Variants in TMPRSS15 observed in about 807,000 individuals in gnomAD.
TMPRSS15 encodes enteropeptidase.
Under a neutral mutation model 125.3 loss-of-function variants are expected in TMPRSS15, and 128 were observed. That is an observed-to-expected ratio of 1.02 (90% CI 0.89 to 1.18). The LOEUF (loss-of-function observed/expected upper bound fraction) is 1.18, where lower values mean the gene tolerates loss of function less well. Among genes scored for constraint, TMPRSS15 ranks in the 50% most tolerant of loss-of-function variants. TMPRSS15 has a pLI of 0.00. For synonymous variants in TMPRSS15, 446 were observed against 423.2 expected, an observed-to-expected ratio of 1.05 and a Z score of -0.66; for missense variants, 1,283 against 1,212.7, an observed-to-expected ratio of 1.06 and a Z score of -0.86.
rs78416596 is a variant in TMPRSS15, at chr21:18,445,133, C to A, written c.10+40666G>T. The stretch of plus-strand genomic sequence containing the variant: ...AATGACCAAATTTCATTTTATTTGG[C>A]TGGCTAGTACTCCATTGTATATATA... On this transcript the variant is annotated intron_variant, in intron 1 of 7. Coordinates refer to the TMPRSS15 transcript ENST00000422787. Among the ~76,000 whole-genome samples, 983 of 151,908 alleles carry A rather than the reference C, an allele frequency of 6.5e-3. 6 individuals are homozygous for A. Among genetic ancestry groups the A allele is most frequent in the Middle Eastern group, 0.014 (4 of 292 alleles).
rs201716744 is a variant in TMPRSS15, at chr21:18,441,359, C to A, written c.11-43030G>T. ...TGGTGGCTCACACCTGTAATCCCAG[C>A]ACTTTGGGAGGCCGAGGCAGGCAGA... On this transcript the variant is annotated intron_variant, in intron 1 of 7. Coordinates refer to the TMPRSS15 transcript ENST00000422787. Among the ~76,000 whole-genome samples, 12 of 152,040 alleles carry A rather than the reference C, an allele frequency of 7.9e-5. No homozygotes were observed. In the East Asian group the frequency reaches 1.9e-3, roughly 25 times the overall value.
chr21:18,390,255 C>T (rs1303581844), intron 3 of TMPRSS15, among the ~76,000 whole-genome samples: 3 of 152,062 alleles, frequency 2.0e-5, no homozygotes, highest in Non-Finnish European at 4.4e-5. Context: ...TAAGAATTCT[C>T]AAGTTAGTTT....
In TMPRSS15 at chr21:18,270,105, A is replaced by T; in HGVS notation, c.2924T>A (p.Leu975Ter). ...DSCQGDSGGP[L>*]MCQENNRWFL... ...CCACCTGTTGTTTTCTTGGCACATT[A>T]ATGGTCCTCCTGAATCCCCCTAAAG... The change falls in exon 25 of 25, where the codon TTA (leucine) becomes TAA (stop). Residue 975 changes from leucine (L) to a stop codon, truncating the protein, a stop_gained. Coordinates refer to ENST00000284885, the MANE Select transcript of TMPRSS15 (RefSeq NM_002772.3). LOFTEE classifies it high-confidence loss of function. The T allele has an allele frequency of 6.2e-7, 1 of 1,614,030 alleles. No homozygotes were observed. The highest frequency in any genetic ancestry group is 1.1e-5 in the South Asian group (1 of 91,086).
intron 16 of TMPRSS15, among the ~76,000 whole-genome samples, chr21:18,322,580 A>G (rs1018787802): frequency 2.0e-5 from 3 of 152,306 alleles, no homozygotes; most frequent in South Asian, 2.1e-4. Context: ...TTGCAACAAC[A>G]TGGAGGAAAC....
chr21:18,335,757 G>T (rs1280445116), intron 13 of TMPRSS15, among the ~76,000 whole-genome samples: 2 of 152,130 alleles, frequency 1.3e-5, no homozygotes, highest in African/African-American at 2.4e-5. Context: ...TTATTTTAAT[G>T]GTGATGTTGT....
chr21:18,291,483 A>G (rs1239025236), intron 21 of TMPRSS15, among the ~76,000 whole-genome samples: 3 of 152,170 alleles, frequency 2.0e-5, no homozygotes, highest in Non-Finnish European at 4.4e-5. Context: ...AAACCATTTA[A>G]CCACCTGCAG....
chr21:18,447,916 G>A (rs1324855419), intron 1 of TMPRSS15, among the ~76,000 whole-genome samples: 2 of 152,064 alleles, frequency 1.3e-5, no homozygotes, highest in African/African-American at 4.8e-5. Context: ...ACCACAATGA[G>A]ATATCACTTC....
chr21:18,279,266 A>ACC (rs1433313232), intron 22 of TMPRSS15, among the ~76,000 whole-genome samples: 13 of 145,120 alleles, frequency 9.0e-5, no homozygotes, highest in Non-Finnish European at 1.5e-4. Flanking sequence ...TAGATCGGCT[A>ACC]CCACTGGTGG....
chr21:18,278,864 A>C (rs2074652865), intron 23 of TMPRSS15, 100 bp downstream of exon 23: 1 of 679,674 alleles, frequency 1.5e-6, no homozygotes, highest in Non-Finnish European at 2.6e-6. Context: ...TTATATAAGA[A>C]TTGCAAAGAT....
chr21:18,393,792 G>T (rs1372663484), intron 3 of TMPRSS15, among the ~76,000 whole-genome samples: 2 of 152,016 alleles, frequency 1.3e-5, no homozygotes, highest in Admixed American at 6.6e-5. Context: ...TAACCCAAAG[G>T]TGCCCTTTGT....
intron 5 of TMPRSS15, among the ~76,000 whole-genome samples, chr21:18,374,442 C>A (rs547313530): frequency 7.3e-6 from 1 of 136,332 alleles, no homozygotes; most frequent in African/African-American, 2.8e-5. Flanking sequence ...CACTGCAGTC[C>A]GCAGTCCGGC....
intron 3 of TMPRSS15, among the ~76,000 whole-genome samples, chr21:18,387,272 AAC>A (rs2075951887): frequency 6.6e-6 from 1 of 152,326 alleles, no homozygotes; most frequent in East Asian, 1.9e-4. Flanking sequence ...CTTGTAAAAT[AAC>A]AGTTTTTCTC....
At chr21:18,354,021 T>G (rs2075600236) in intron 8 of TMPRSS15, among the ~76,000 whole-genome samples, 158 bp from the exon 9 acceptor site, 1 of 151,866 alleles carries the variant, frequency 6.6e-6, no homozygotes, top group African/African-American at 2.4e-5. Flanking sequence ...GTCTTACATT[T>G]GTTTTAATTA....
At chr21:18,271,627 T>A (rs756508080) in intron 24 of TMPRSS15, among the ~76,000 whole-genome samples, 40 of 152,112 alleles carry the variant, frequency 2.6e-4, no homozygotes, top group Non-Finnish European at 5.3e-4. Context: ...TACTTTAAGG[T>A]CTGGGATACA....
At chr21:18,415,081 G>C (rs2076176551) in intron 1 of TMPRSS15, among the ~76,000 whole-genome samples, 1 of 151,818 alleles carries the variant, frequency 6.6e-6, no homozygotes, top group Non-Finnish European at 1.5e-5. Flanking sequence ...ATTCATTGTA[G>C]TTTCGATTTG....
chr21:18,351,081 G>GA (rs774610233), intron 10 of TMPRSS15, among the ~76,000 whole-genome samples: 36 of 151,824 alleles, frequency 2.4e-4, no homozygotes, highest in South Asian at 4.2e-4. Context: ...TTTCTATCTT[G>GA]AAAAAAATTA....
chr21:18,429,144 C>T (rs1253132985), intron 1 of TMPRSS15, among the ~76,000 whole-genome samples: 2 of 152,130 alleles, frequency 1.3e-5, no homozygotes, highest in Non-Finnish European at 2.9e-5. Context: ...CTAGCATGGG[C>T]CCCCTAACCA....
intron 1 of TMPRSS15, among the ~76,000 whole-genome samples, chr21:18,423,813 C>T (rs547578430): frequency 1.4e-4 from 22 of 152,188 alleles, no homozygotes; most frequent in Non-Finnish European, 2.6e-4. Context: ...AATACTGATT[C>T]TCTAAAAAAT....
At chr21:18,466,343 T>C (rs923329624) in intron 1 of TMPRSS15, among the ~76,000 whole-genome samples, 4 of 152,006 alleles carry the variant, frequency 2.6e-5, no homozygotes, top group East Asian at 1.9e-4. Context: ...ATTCAGGACA[T>C]AGGCATGGGC....
Sources: allele counts gnomAD v4.1 joint callset (sites outside exome capture counted in the v4.1 genomes callset), GRCh38; gene constraint gnomAD v4.1.1; transcripts MANE v1.5; gene names NCBI Gene and HGNC (gene_info 2026-07-23, HGNC 2026-07-21).